MAPK8IP3: variants seen among roughly 807,000 people sequenced by gnomAD.
MAPK8IP3 encodes the protein mitogen-activated protein kinase 8 interacting protein 3.
In MAPK8IP3, 49 loss-of-function variants were observed where a neutral mutation model predicts 157.8. The ratio of observed to expected loss-of-function variants is 0.31; its 90% CI spans 0.25 to 0.39. The LOEUF is 0.39. MAPK8IP3 is among the 10% of genes least tolerant of loss of function. The probability of loss-of-function intolerance (pLI) is 1.00; values close to 1 mark genes in which losing one functional copy is unlikely to be tolerated. For synonymous variants in MAPK8IP3, 897 were observed against 777.7 expected (o/e 1.15, Z -2.55); for missense variants, 1,478 against 1,889.4 (o/e 0.78, Z 4.04).
chr16:1,725,509 C>T (rs2038819214), intron 2 of MAPK8IP3, among the ~76,000 whole-genome samples: 1 of 151,494 alleles, frequency 6.6e-6, no homozygotes, highest in East Asian at 2.0e-4. Flanking sequence ...CGCCTGTAGT[C>T]CCAGCTACTC....
intron 1 of MAPK8IP3, among the ~76,000 whole-genome samples, chr16:1,719,604 G>C (rs189306186): frequency 0.011 from 1,680 of 151,430 alleles, 13 homozygotes; most frequent in South Asian, 0.029. Context: ...GGAGGCTGAG[G>C]GGGGATCGCT....
intron 30 of MAPK8IP3, 21 bp from the exon 31 acceptor site, chr16:1,768,456 G>A (rs751544831): frequency 6.3e-7 from 1 of 1,582,708 alleles, no homozygotes; most frequent in South Asian, 1.1e-5. Context: ...CCGCTGTCCT[G>A]AATCGCTTCT....
Position 1,737,211 on chromosome 16 carries a change from TGA to T in MAPK8IP3, c.603-6117_603-6116del, listed in dbSNP as rs543279048. ...GTCCGTGTGAGCGTGTGACCATCCGTGAGAGTGTGACCATCCATGTAAGCATC... is the reference window on the plus strand; with the variant it reads ...GTCCGTGTGAGCGTGTGACCATCCGTGAGTGTGACCATCCATGTAAGCATC... On this transcript the variant is annotated intron_variant, in intron 4 of 31. Transcript: ENST00000610761. Among the ~76,000 whole-genome samples the T allele has an allele frequency of 3.7e-3, 347 of 94,422 alleles. 25 individuals are homozygous for T. The highest frequency in any genetic ancestry group is 5.7e-3 in the African/African-American group (130 of 22,616). The allele number at this position is 94,422 out of a possible 152,430, so 61.9% of individuals were successfully genotyped here.
chr16:1,765,280 T>G, intron 20 of MAPK8IP3, 102 bp downstream of exon 20: 5 of 1,337,850 alleles, frequency 3.7e-6, no homozygotes, highest in Non-Finnish European at 5.0e-6. Flanking sequence ...CGGGGTGTCC[T>G]GTGGACACGG....
rs1478180185 is a variant in MAPK8IP3 at position 1,769,701 on chromosome 16, C to T, written c.*877C>T. The T allele has an allele frequency of 6.5e-6, 1 of 152,680 alleles. No homozygotes were observed. Among genetic ancestry groups the T allele is most frequent in the East Asian group, 1.9e-4 (1 of 5,184 alleles). 9.5% of individuals were successfully genotyped at this position (152,680 alleles called of 1,614,324 possible). A position where few individuals can be genotyped will look rare whatever the true frequency, so the allele number is the denominator to read the frequency against. ...GGCCCCTGGCCTCTCCGGGATCAGT[C>T]CTAGGACACAGGCTCAGCCTCAGGT... On this transcript the variant is annotated 3_prime_UTR_variant, in exon 32 of 32. Transcript: ENST00000610761.
Position 1,742,411 on chromosome 16 carries a change from A to T in MAPK8IP3, c.603-921A>T, listed in dbSNP as rs867745226. ...AGGCTGTCCGAGGCCAGGCTGTCCC[A>T]GGGTCCGTCTTCAGGTTCGGGGCTC... On this transcript the variant is annotated intron_variant, in intron 4 of 31. Coordinates refer to ENST00000610761, the MANE Select transcript of MAPK8IP3 (RefSeq NM_001318852.2). The surrounding 1 kb of genome is among the most constrained non-coding windows in gnomAD (Gnocchi z 5.0). Among the ~76,000 whole-genome samples the T allele has an allele frequency of 3.9e-5, 6 of 152,174 alleles. No homozygotes were observed. The highest frequency in any genetic ancestry group is 7.4e-5 in the Non-Finnish European group (5 of 68,010).
chr16:1,706,407 C>T lies in MAPK8IP3; in HGVS notation c.68C>T (p.Ser23Leu), dbSNP rs749499022. ...TACCAGGACGACTACTGCTCCGGCT[C>T]GGTGATGTCGGAGCGGGTGTCGGGC... ...VVYQDDYCSG[S>L]VMSERVSGLA... is the part of the protein sequence containing the mutation. The change falls in exon 1 of 32, where the codon TCG becomes TTG. Residue 23 changes from serine to leucine, a missense_variant. Coordinates refer to ENST00000610761, the MANE Select transcript of MAPK8IP3 (RefSeq NM_001318852.2). This position sits in a 1 kb window ranked among gnomAD's most constrained non-coding sequence, Gnocchi z 5.1. The T allele has an allele frequency of 1.2e-6, 2 of 1,613,440 alleles. No homozygotes were observed. The highest frequency in any genetic ancestry group is 1.3e-5 in the African/African-American group (1 of 75,024).
In MAPK8IP3 at chr16:1,768,638, C is replaced by T; in HGVS notation, c.3892+12C>T. The T allele has an allele frequency of 5.0e-6, 8 of 1,608,822 alleles. No homozygotes were observed. Among genetic ancestry groups the T allele is most frequent in the Non-Finnish European group, 6.8e-6 (8 of 1,178,196 alleles). ...CGACTTCCGCATTGGTGAGCGGGGCCCAGGGACAGGGCTGAGGTTGGGCGC... is the reference window on the plus strand; with the variant it reads ...CGACTTCCGCATTGGTGAGCGGGGCTCAGGGACAGGGCTGAGGTTGGGCGC... On this transcript the variant is annotated intron_variant, in intron 31 of 31. Coordinates refer to ENST00000610761, the MANE Select transcript of MAPK8IP3 (RefSeq NM_001318852.2).
chr16:1,764,421 G>A lies in MAPK8IP3; in HGVS notation c.2242G>A (p.Glu748Lys). 2 of 1,606,814 alleles carry A rather than the reference G, an allele frequency of 1.2e-6. No individual in the cohort carries two copies. The highest frequency in any genetic ancestry group is 8.5e-7 in the Non-Finnish European group (1 of 1,178,274). ...PLTCDREGDGEPKSAHTSPEK... is the reference protein window; with the variant it reads ...PLTCDREGDGKPKSAHTSPEK... ...GACCTGCGACCGCGAAGGAGACGGC[G>A]AGCCCAAGAGCGCCCACACGTCTCC... Residue 748 changes from glutamate to lysine, a missense_variant, in exon 19 of 32, where the codon GAG (glutamate) becomes AAG (lysine). By Grantham distance (56) the Glu-to-Lys change is moderately conservative. Coordinates refer to ENST00000610761, the MANE Select transcript of MAPK8IP3 (RefSeq NM_001318852.2).
At position 1,737,647 on chromosome 16, in the gene MAPK8IP3, ACTGT is replaced by A. The variant is rs1385134233; in HGVS notation, c.603-5683_603-5680del. On this transcript the variant is annotated intron_variant, in intron 4 of 31. Coordinates refer to ENST00000610761, the MANE Select transcript of MAPK8IP3 (RefSeq NM_001318852.2). The stretch of plus-strand genomic sequence containing the variant: ...GACCATCCATGTGAGCATCCGTGTG[ACTGT>A]CCGTGTGAGCGTCCGTGTGAGCGTG... Among the ~76,000 whole-genome samples, 4 of 58,282 alleles carry A rather than the reference ACTGT, an allele frequency of 6.9e-5. 1 individual carries two copies. Among genetic ancestry groups the A allele is most frequent in the Non-Finnish European group, 9.6e-5 (3 of 31,260 alleles). 38.2% of individuals were successfully genotyped at this position (58,282 alleles called of 152,430 possible). A position where few individuals can be genotyped will look rare whatever the true frequency, so the allele number is the denominator to read the frequency against.
intron 11 of MAPK8IP3, 32 bp from the exon 12 acceptor site, chr16:1,760,348 C>T (rs368512920): frequency 1.4e-5 from 23 of 1,595,904 alleles, no homozygotes; most frequent in African/African-American, 5.4e-5. Context: ...ATGCCGCGCC[C>T]GTGGCACTCC....
At chr16:1,736,953 C>CATCT (rs2039961850) in intron 4 of MAPK8IP3, among the ~76,000 whole-genome samples, 2 of 63,738 alleles carry the variant, frequency 3.1e-5, no homozygotes, top group African/African-American at 6.4e-5. Flanking sequence ...TCCATGTGAG[C>CATCT]GTGTGACCGT....
At chr16:1,760,303 C>G in intron 11 of MAPK8IP3, 77 bp from the exon 12 acceptor site, 1 of 1,525,154 alleles carries the variant, frequency 6.6e-7, no homozygotes, top group Non-Finnish European at 8.9e-7. Flanking sequence ...GGCGGAAGTG[C>G]AGGCGCCCCT....
Position 1,762,855 on chromosome 16 carries a change from T to G in MAPK8IP3, c.1747T>G (p.Ser583Ala). The part of the protein sequence containing the change: ...IWQFFSRLFS[S>A]SSSPPPAKRP... ...TGGCAGCTTCAGCCGCCTCTTCAGC[T>G]CTTCCTCCAGCCCCCCTCCGGCCAA... The change falls in exon 16 of 32, where the codon TCT becomes GCT. Residue 583 changes from serine to alanine, a missense_variant. This residue lies in a region of MAPK8IP3 where 669 missense variants were observed against 759.8 expected (regional missense o/e 0.88). Transcript: ENST00000610761. 1 of 1,612,620 alleles carries G rather than the reference T, an allele frequency of 6.2e-7. No individual in the cohort carries two copies. The highest frequency in any genetic ancestry group is 8.5e-7 in the Non-Finnish European group (1 of 1,179,606).
At chr16:1,716,235 T>C (rs189787013) in intron 1 of MAPK8IP3, among the ~76,000 whole-genome samples, 2 of 152,154 alleles carry the variant, frequency 1.3e-5, no homozygotes, top group Non-Finnish European at 2.9e-5. Context: ...GGAAGGATGA[T>C]ATCATTCTAT....
intron 20 of MAPK8IP3, among the ~76,000 whole-genome samples, chr16:1,765,442 G>A (rs1258138622): frequency 4.6e-5 from 7 of 152,174 alleles, no homozygotes; most frequent in East Asian, 1.9e-4. Context: ...GGGTGGGCAC[G>A]GCCTGCAGCT....
chr16:1,715,428 G>C (rs1163642706), intron 1 of MAPK8IP3, among the ~76,000 whole-genome samples: 2 of 152,310 alleles, frequency 1.3e-5, no homozygotes, highest in Non-Finnish European at 2.9e-5. Context: ...CCCCCTGCCA[G>C]CCCAGGGTAA....
intron 1 of MAPK8IP3, among the ~76,000 whole-genome samples, chr16:1,721,417 A>T (rs1017679320): frequency 6.6e-6 from 1 of 152,186 alleles, no homozygotes; most frequent in Non-Finnish European, 1.5e-5. Flanking sequence ...CCTGGGCAAT[A>T]TAGTGAGATC....
intron 2 of MAPK8IP3, among the ~76,000 whole-genome samples, chr16:1,725,791 G>C: frequency 6.6e-6 from 1 of 151,876 alleles, no homozygotes; most frequent in East Asian, 2.0e-4. Flanking sequence ...TCTGCCTCCC[G>C]GGTTCAAGTG....
Sources: allele counts gnomAD v4.1 joint callset (sites outside exome capture counted in the v4.1 genomes callset), GRCh38; gene constraint gnomAD v4.1.1; regional missense constraint gnomAD v4.1.1; non-coding constraint Gnocchi (gnomAD v3.1); transcripts MANE v1.5; gene names NCBI Gene and HGNC (gene_info 2026-07-23, HGNC 2026-07-21).